Variants in GRID2 observed in about 807,000 individuals in gnomAD.
The protein encoded by GRID2 is glutamate ionotropic receptor delta type subunit 2, also known as glutamate receptor ionotropic, delta-2.
In GRID2, 33 loss-of-function variants were observed where a neutral mutation model predicts 114.8. That is an observed-to-expected ratio of 0.29 (90% CI 0.22 to 0.38). The LOEUF (loss-of-function observed/expected upper bound fraction) is 0.38, where lower values mean the gene tolerates loss of function less well. GRID2 is among the 10% of genes least tolerant of loss of function. GRID2 has a pLI of 1.00. For missense variants in GRID2, 1,184 were observed against 1,257.7 expected (o/e 0.94, Z 0.89); for synonymous variants, 505 against 449.9 (o/e 1.12, Z -1.55).
chr4:93,198,615 T>C (rs1174993015), intron 4 of GRID2, among the ~76,000 whole-genome samples: 1 of 151,804 alleles, frequency 6.6e-6, no homozygotes, highest in African/African-American at 2.4e-5. Flanking sequence ...TGGCTCAGAG[T>C]GTCAGGCAAG....
chr4:92,760,192 TG>T (rs1256883783), intron 2 of GRID2, among the ~76,000 whole-genome samples: 2 of 133,086 alleles, frequency 1.5e-5, no homozygotes, highest in Non-Finnish European at 3.1e-5. Flanking sequence ...TGACCAAGAT[TG>T]GGCCACTGCA....
intron 2 of GRID2, among the ~76,000 whole-genome samples, chr4:92,616,301 C>G (rs968383437): frequency 1.3e-5 from 2 of 151,324 alleles, no homozygotes; most frequent in Non-Finnish European, 3.0e-5. Flanking sequence ...CAGTGTCTTT[C>G]CACTGCCTTC....
chr4:93,741,217 T>A (rs1276003621), intron 14 of GRID2, among the ~76,000 whole-genome samples: 1 of 93,894 alleles, frequency 1.1e-5, no homozygotes, highest in Non-Finnish European at 2.4e-5. Flanking sequence ...ATATATATAT[T>A]CTCAGACTCT....
At chr4:93,119,203 G>A (rs1733552772) in intron 4 of GRID2, among the ~76,000 whole-genome samples, 1 of 152,112 alleles carries the variant, frequency 6.6e-6, no homozygotes, top group Admixed American at 6.5e-5. Context: ...GTTATGTGCA[G>A]CTGAGTATAT....
At chr4:92,521,487 A>C (rs1018581948) in intron 1 of GRID2, among the ~76,000 whole-genome samples, 7 of 152,000 alleles carry the variant, frequency 4.6e-5, no homozygotes, top group African/African-American at 1.7e-4. Context: ...ATTACTAAAC[A>C]TTTACTAAAC....
chr4:92,779,732 A>G (rs1001786956), intron 2 of GRID2, among the ~76,000 whole-genome samples: 1 of 152,166 alleles, frequency 6.6e-6, no homozygotes, highest in African/African-American at 2.4e-5. Context: ...AATAAGCGCC[A>G]CTAATAACAT....
At chr4:93,426,084 G>A (rs954518634) in intron 10 of GRID2, among the ~76,000 whole-genome samples, 3 of 152,126 alleles carry the variant, frequency 2.0e-5, no homozygotes, top group Non-Finnish European at 4.4e-5. Context: ...GTAAGGAATG[G>A]AGAAGAGTAG....
chr4:93,243,377 A>T (rs966828347), intron 8 of GRID2, among the ~76,000 whole-genome samples: 11 of 152,052 alleles, frequency 7.2e-5, no homozygotes, highest in African/African-American at 2.7e-4. Flanking sequence ...CACGCAAACA[A>T]TTGCAATATA....
intron 1 of GRID2, among the ~76,000 whole-genome samples, chr4:92,433,342 G>A (rs187332370): frequency 3.5e-4 from 54 of 152,256 alleles, no homozygotes; most frequent in African/African-American, 1.2e-3. Flanking sequence ...CAGTCCTTGC[G>A]GCCTAGACCG....
rs139198028 is a variant in GRID2, at chr4:92,948,483, A to G, written c.245-136512A>G. Among the ~76,000 whole-genome samples the G allele has an allele frequency of 7.2e-4, 109 of 152,038 alleles. 2 individuals carry two copies. In the East Asian group the frequency reaches 0.019, roughly 26 times the overall value. The stretch of plus-strand genomic sequence containing the variant: ...TAGTTACTTTTAGTATTTTAGATTT[A>G]CAGACATTTCTCTTTCTCTTTCCTT... On this transcript the variant is annotated intron_variant, in intron 2 of 15. Transcript: ENST00000282020.
At chr4:93,460,256 C>G (rs927656223) in intron 11 of GRID2, among the ~76,000 whole-genome samples, 1 of 152,188 alleles carries the variant, frequency 6.6e-6, no homozygotes, top group Non-Finnish European at 1.5e-5. Flanking sequence ...TGGCTCCTGT[C>G]CAACACTCAG....
At chr4:92,674,734 G>A (rs1236065566) in intron 2 of GRID2, among the ~76,000 whole-genome samples, 2 of 152,062 alleles carry the variant, frequency 1.3e-5, no homozygotes, top group Non-Finnish European at 2.9e-5. Context: ...TCTTGGCCAG[G>A]CTGGTCTTGA....
At chr4:93,277,373 A>G (rs921121859) in intron 8 of GRID2, among the ~76,000 whole-genome samples, 3 of 151,926 alleles carry the variant, frequency 2.0e-5, no homozygotes, top group Non-Finnish European at 2.9e-5. Flanking sequence ...TTTCCACTAT[A>G]AATGTTTTAA....
At chr4:92,949,132 ATG>A (rs112763953) in intron 2 of GRID2, among the ~76,000 whole-genome samples, 137 of 149,292 alleles carry the variant, frequency 9.2e-4, no homozygotes, top group African/African-American at 3.0e-3. Flanking sequence ...GACAAAGAAA[ATG>A]TGTGTGTGTG....
intron 1 of GRID2, among the ~76,000 whole-genome samples, chr4:92,522,298 A>G (rs1724826038): frequency 6.6e-6 from 1 of 151,954 alleles, no homozygotes; most frequent in African/African-American, 2.4e-5. Flanking sequence ...GGGTCACTCC[A>G]TTATAGTAAA....
At position 93,559,676 on chromosome 4, in the gene GRID2, C is replaced by T. The variant is rs1734692545; in HGVS notation, c.2193+44265C>T. Among the ~76,000 whole-genome samples, 3 of 152,250 alleles carry T rather than the reference C, an allele frequency of 2.0e-5. No individual in the cohort carries two copies. The South Asian group carries it at 6.2e-4, about 32-fold the overall frequency. On this transcript the variant is annotated intron_variant, in intron 13 of 15. Transcript: ENST00000282020. ...CATTGTGGAAGACAGTGTAGTGATT[C>T]CTCAAGGATCTAGAGCCAGAAATAC...
At chr4:92,932,667 G>C (rs542219018) in intron 2 of GRID2, among the ~76,000 whole-genome samples, 1 of 151,070 alleles carries the variant, frequency 6.6e-6, no homozygotes, top group Non-Finnish European at 1.5e-5. Flanking sequence ...AGCTCAAGTG[G>C]CCCAAAATAG....
intron 2 of GRID2, among the ~76,000 whole-genome samples, chr4:92,647,253 A>G (rs572256400): frequency 6.4e-4 from 98 of 152,288 alleles, no homozygotes; most frequent in African/African-American, 2.2e-3. Context: ...AGTGTTTGGA[A>G]TGGTGTCAAC....
At chr4:92,749,343 C>G (rs1446333218) in intron 2 of GRID2, among the ~76,000 whole-genome samples, 26 of 105,018 alleles carry the variant, frequency 2.5e-4, no homozygotes, top group African/African-American at 1.0e-3. Context: ...GAGACGGAGT[C>G]TCGCTCTGTC....
Sources: gnomAD v4.1 joint callset for allele counts (sites outside exome capture counted in the v4.1 genomes callset) on GRCh38, gnomAD v4.1.1 for gene constraint, MANE v1.5 for transcripts, NCBI Gene and HGNC (gene_info 2026-07-23, HGNC 2026-07-21) for gene names.